The following LGSN variants were observed in gnomAD, a reference collection of about 807,000 sequenced individuals.
LGSN encodes the protein lengsin.
Under a neutral mutation model 19.5 loss-of-function variants are expected in LGSN, and 21 were observed. The ratio of observed to expected loss-of-function variants is 1.07; its 90% CI spans 0.76 to 1.55. LGSN has a LOEUF of 1.55. Among genes scored for constraint, LGSN ranks in the 40% most tolerant of loss-of-function variants. LGSN has a pLI of 0.00. For missense variants in LGSN, 673 were observed against 608.5 expected, an observed-to-expected ratio of 1.11 and a Z score of -1.12; for synonymous variants, 257 against 215.6, an observed-to-expected ratio of 1.19 and a Z score of -1.68.
the LGSN span, among the ~76,000 whole-genome samples, chr6:63,474,199 C>T: frequency 6.6e-6 from 1 of 152,238 alleles, no homozygotes; most frequent in African/African-American, 2.4e-5. Context: ...GTAACTACCA[C>T]TTTCTGTTTT....
At chr6:63,530,000 G>A in the LGSN span, among the ~76,000 whole-genome samples, 1 of 151,996 alleles carries the variant, frequency 6.6e-6, no homozygotes, top group South Asian at 2.1e-4. Context: ...AGAGTTATGA[G>A]TAATATTTCA....
At chr6:63,283,999 C>T (rs1323157037) in intron 3 of LGSN, among the ~76,000 whole-genome samples, 1 of 152,128 alleles carries the variant, frequency 6.6e-6, no homozygotes, top group African/African-American at 2.4e-5. Flanking sequence ...TGTGCCCGGC[C>T]TCTTAAACCT....
At chr6:63,429,375 G>T in the LGSN span, among the ~76,000 whole-genome samples, 1 of 151,994 alleles carries the variant, frequency 6.6e-6, no homozygotes. Context: ...ATCTATGAAA[G>T]AACTATGCTA....
At chr6:63,436,270 T>C in the LGSN span, among the ~76,000 whole-genome samples, 1 of 152,152 alleles carries the variant, frequency 6.6e-6, no homozygotes, top group Non-Finnish European at 1.5e-5. Flanking sequence ...GCCCGGCTAA[T>C]TTTTGTATTT....
At chr6:63,480,629 T>A in the LGSN span, 1 of 152,166 alleles carries the variant, frequency 6.6e-6, no homozygotes, top group Admixed American at 6.5e-5. Flanking sequence ...CATTAAAAAG[T>A]CAAAAAGCAA....
At chr6:63,449,807 A>G in the LGSN span, among the ~76,000 whole-genome samples, 1 of 152,198 alleles carries the variant, frequency 6.6e-6, no homozygotes, top group African/African-American at 2.4e-5. Flanking sequence ...CTAACACTGA[A>G]CAATACTAAA....
chr6:63,494,159 A>C, the LGSN span, among the ~76,000 whole-genome samples: 1 of 152,020 alleles, frequency 6.6e-6, no homozygotes, highest in Non-Finnish European at 1.5e-5. Flanking sequence ...CATGTTGGCC[A>C]AGCTGGTCTC....
At chr6:63,346,006 A>C in the LGSN span, among the ~76,000 whole-genome samples, 5,485 of 152,270 alleles carry the variant, frequency 0.036, 334 homozygotes, top group African/African-American at 0.13. Context: ...TTATTTACCA[A>C]AAATTTAAAG....
chr6:63,434,279 A>G, the LGSN span, among the ~76,000 whole-genome samples: 5 of 151,556 alleles, frequency 3.3e-5, no homozygotes, highest in African/African-American at 4.8e-5. Flanking sequence ...TCCCTACTAA[A>G]AATACAAAAA....
the LGSN span, among the ~76,000 whole-genome samples, chr6:63,472,142 T>C: frequency 3.3e-5 from 5 of 152,250 alleles, no homozygotes; most frequent in African/African-American, 4.8e-5. Context: ...GTGCACACAC[T>C]TGCTGATTCT....
At chr6:63,456,800 G>A in the LGSN span, among the ~76,000 whole-genome samples, 2 of 152,018 alleles carry the variant, frequency 1.3e-5, no homozygotes, top group Admixed American at 1.3e-4. Flanking sequence ...AAGCAGAGAA[G>A]GGAAGAAAGC....
rs762442380 is a variant in LGSN at position 63,280,799 on chromosome 6, C to T, written c.752G>A (p.Gly251Glu). Residue 251 changes from glycine (G) to glutamate (E), a missense_variant, in exon 4 of 4, where the codon GGA (glycine) becomes GAA (glutamate). Physicochemically the swap from Gly to Glu is moderately conservative, Grantham distance 98. Coordinates refer to ENST00000370657, the MANE Select transcript of LGSN (RefSeq NM_016571.3). ...QELVDGLYHT[G>E]ANVESFSSST... ...GGAGGAAAAACTCTCGACATTGGCTCCAGTGTGATACAAGCCATCAACAAG... is the reference window on the plus strand; with the variant it reads ...GGAGGAAAAACTCTCGACATTGGCTTCAGTGTGATACAAGCCATCAACAAG... 4 of 1,613,918 alleles carry T rather than the reference C, an allele frequency of 2.5e-6. No individual in the cohort carries two copies. In the East Asian group the frequency reaches 6.7e-5, roughly 27 times the overall value.
the LGSN span, among the ~76,000 whole-genome samples, chr6:63,493,745 C>T: frequency 6.6e-6 from 1 of 152,116 alleles, no homozygotes; most frequent in Admixed American, 6.6e-5. Context: ...TTCTAAGCCC[C>T]ATGAATGATC....
At chr6:63,295,846 A>T (rs1050701209) in intron 1 of LGSN, among the ~76,000 whole-genome samples, 10 of 152,198 alleles carry the variant, frequency 6.6e-5, no homozygotes, top group African/African-American at 2.4e-4. Context: ...CTGAAAAAAA[A>T]TATGAAAAAT....
chr6:63,355,911 T>A, the LGSN span, among the ~76,000 whole-genome samples: 3 of 152,168 alleles, frequency 2.0e-5, no homozygotes, highest in African/African-American at 7.2e-5. Flanking sequence ...ACTCCTGACC[T>A]CAGGTGACCC....
At chr6:63,309,412 A>G (rs1158903598) in intron 1 of LGSN, among the ~76,000 whole-genome samples, 2 of 152,206 alleles carry the variant, frequency 1.3e-5, no homozygotes, top group Non-Finnish European at 2.9e-5. Context: ...AGCCTGGGCA[A>G]CAGAGCAAGA....
the LGSN span, among the ~76,000 whole-genome samples, chr6:63,546,649 T>C: frequency 7.9e-5 from 12 of 151,902 alleles, no homozygotes; most frequent in African/African-American, 2.9e-4. Context: ...GAGGTTGCAG[T>C]GAGCTGAGAT....
At chr6:63,290,433 G>A (rs1373433252) in intron 2 of LGSN, among the ~76,000 whole-genome samples, 1 of 152,246 alleles carries the variant, frequency 6.6e-6, no homozygotes, top group African/African-American at 2.4e-5. Flanking sequence ...AACTGTGGAG[G>A]AGTCAATGTG....
At chr6:63,562,657 AAAC>A in the LGSN span, among the ~76,000 whole-genome samples, 2 of 152,200 alleles carry the variant, frequency 1.3e-5, no homozygotes, top group African/African-American at 4.8e-5. Context: ...ATGGCTTGGA[AAAC>A]AACAAGAGCA....
Sources: allele counts gnomAD v4.1 joint callset (sites outside exome capture counted in the v4.1 genomes callset), GRCh38; gene constraint gnomAD v4.1.1; transcripts MANE v1.5; gene names NCBI Gene and HGNC (gene_info 2026-07-23, HGNC 2026-07-21).